HECW2: variants seen among roughly 807,000 people sequenced by gnomAD.
HECW2 encodes HECT, C2 and WW domain containing E3 ubiquitin protein ligase 2, also known as E3 ubiquitin-protein ligase HECW2.
A neutral mutation model predicts 175.2 loss-of-function variants in HECW2; 61 were observed. The ratio of observed to expected loss-of-function variants is 0.35; its 90% confidence interval spans 0.28 to 0.43. The LOEUF is 0.43. Among genes scored for constraint, HECW2 ranks in the 20% least tolerant of loss-of-function variants. The probability of loss-of-function intolerance (pLI) is 1.00; values close to 1 mark genes in which losing one functional copy is unlikely to be tolerated. For missense variants in HECW2, 1,524 were observed against 2,000.5 expected, an observed-to-expected ratio of 0.76 and a Z score of 4.54; for synonymous variants, 671 against 731.0, an observed-to-expected ratio of 0.92 and a Z score of 1.32.
At chr2:196,389,759 A>G (rs981938548) in intron 2 of HECW2, among the ~76,000 whole-genome samples, 2 of 152,186 alleles carry the variant, frequency 1.3e-5, no homozygotes, top group African/African-American at 2.4e-5. Flanking sequence ...ATTTATCATC[A>G]CAAGTTTTCT....
rs369161388 is a variant in HECW2 at position 196,374,826 on chromosome 2, G to C, written c.293-31062C>G. 3.3e-5 allele frequency among the ~76,000 whole-genome samples: 5 copies of C among 150,378 alleles called. 1 individual carries two copies. The East Asian group carries it at 9.7e-4, about 29-fold the overall frequency. ...CATAGACGTGGGATACATCCAGTAAGGGAAGAGTAAAAAAAAAAAAAAAGA... is the reference window on the plus strand; with the variant it reads ...CATAGACGTGGGATACATCCAGTAACGGAAGAGTAAAAAAAAAAAAAAAGA... On this transcript the variant is annotated intron_variant, in intron 2 of 28. Coordinates refer to ENST00000644978, the MANE Select transcript of HECW2 (RefSeq NM_001348768.2).
intron 2 of HECW2, among the ~76,000 whole-genome samples, chr2:196,358,186 T>C (rs958139971): frequency 6.6e-6 from 1 of 152,344 alleles, no homozygotes. Context: ...TATAAAATGA[T>C]AGTAATCACA....
rs542170695 is a variant in HECW2, at chr2:196,201,073, C to T, written c.*204G>A. ...TGATTGAAAGACGGTTGGGTTGTTC[C>T]CTGGGCATCAAGCTCACCCAAATCC... is the stretch of plus-strand genomic sequence containing the variant. On this transcript the variant is annotated 3_prime_UTR_variant, in exon 29 of 29. Coordinates refer to ENST00000644978, the MANE Select transcript of HECW2 (RefSeq NM_001348768.2). 236 of 520,506 alleles carry T rather than the reference C, an allele frequency of 4.5e-4. 1 individual carries two copies. The highest frequency in any genetic ancestry group is 3.0e-3 in the South Asian group (128 of 41,998). The allele number at this position is 520,506 out of a possible 1,614,324, so 32.2% of individuals were successfully genotyped here. A position where few individuals can be genotyped will look rare whatever the true frequency, so the allele number is the denominator to read the frequency against.
chr2:196,534,843 G>A (rs1459780005), intron 1 of HECW2, among the ~76,000 whole-genome samples: 1 of 152,014 alleles, frequency 6.6e-6, no homozygotes, highest in Non-Finnish European at 1.5e-5. Context: ...AGCGGGATAG[G>A]GTAGACATCT....
intron 10 of HECW2, chr2:196,317,043 C>A (rs1301113187): frequency 4.3e-6 from 2 of 468,266 alleles, no homozygotes; most frequent in Admixed American, 6.5e-5. Context: ...TTATTATTTA[C>A]CCCATGGGCA....
intron 14 of HECW2, 87 bp from the exon 15 acceptor site, chr2:196,278,749 T>C: frequency 4.9e-6 from 7 of 1,415,444 alleles, no homozygotes; most frequent in Non-Finnish European, 6.9e-6. Context: ...AAGACTCACT[T>C]CTGAGTCACA....
At chr2:196,544,632 T>C (rs147283650) in intron 1 of HECW2, among the ~76,000 whole-genome samples, 33 of 152,302 alleles carry the variant, frequency 2.2e-4, no homozygotes, top group Middle Eastern at 3.4e-3. Flanking sequence ...GGATAAATAA[T>C]GGTGCTACTT....
At chr2:196,517,859 G>A (rs1461276684) in intron 1 of HECW2, among the ~76,000 whole-genome samples, 2 of 152,150 alleles carry the variant, frequency 1.3e-5, no homozygotes, top group Non-Finnish European at 2.9e-5. Context: ...GCTCACCAGT[G>A]ACTGGGAGGG....
intron 1 of HECW2, among the ~76,000 whole-genome samples, chr2:196,529,065 C>A (rs375764698): frequency 1.9e-4 from 29 of 152,298 alleles, no homozygotes; most frequent in African/African-American, 6.7e-4. Flanking sequence ...AGCTTATAAC[C>A]ACATGCAGAA....
chr2:196,345,608 C>T (rs910014554), intron 2 of HECW2, among the ~76,000 whole-genome samples: 2 of 152,190 alleles, frequency 1.3e-5, no homozygotes, highest in Non-Finnish European at 2.9e-5. Flanking sequence ...AGCCCTGACC[C>T]ACCTGCCTTC....
At chr2:196,564,413 C>T (rs1451911773) in intron 1 of HECW2, among the ~76,000 whole-genome samples, 2 of 152,020 alleles carry the variant, frequency 1.3e-5, no homozygotes, top group Non-Finnish European at 2.9e-5. Flanking sequence ...ACAGTAATAA[C>T]CACAAAAACA....
intron 28 of HECW2, among the ~76,000 whole-genome samples, chr2:196,212,339 T>C (rs1035998759): frequency 4.6e-5 from 7 of 152,114 alleles, no homozygotes; most frequent in African/African-American, 1.4e-4. Context: ...TCCTGATCCT[T>C]TCCCTCCTCT....
intron 19 of HECW2, among the ~76,000 whole-genome samples, chr2:196,246,294 G>A (rs1284569223): frequency 1.3e-5 from 2 of 152,176 alleles, no homozygotes; most frequent in East Asian, 3.8e-4. Flanking sequence ...GAACGCAGCT[G>A]TAATGAATCA....
At chr2:196,475,590 G>T (rs1168410312) in intron 1 of HECW2, among the ~76,000 whole-genome samples, 1 of 152,146 alleles carries the variant, frequency 6.6e-6, no homozygotes, top group African/African-American at 2.4e-5. Flanking sequence ...TACTAGCAGG[G>T]TCTCATCTTA....
chr2:196,530,355 A>G (rs1469850334), intron 1 of HECW2, among the ~76,000 whole-genome samples: 2 of 152,180 alleles, frequency 1.3e-5, no homozygotes, highest in African/African-American at 2.4e-5. Context: ...AATTTCTACC[A>G]AACTCCTCTC....
chr2:196,588,092 T>C (rs1405576587), intron 1 of HECW2, among the ~76,000 whole-genome samples: 1 of 152,204 alleles, frequency 6.6e-6, no homozygotes, highest in Non-Finnish European at 1.5e-5. Flanking sequence ...TACCCTGTCC[T>C]ACTTTCTCTT....
intron 1 of HECW2, among the ~76,000 whole-genome samples, chr2:196,487,178 G>A (rs1003821512): frequency 6.6e-6 from 1 of 151,776 alleles, no homozygotes; most frequent in Non-Finnish European, 1.5e-5. Flanking sequence ...AGCCAGGCAT[G>A]GTGGCTTCCA....
chr2:196,466,913 G>A (rs967649392), intron 1 of HECW2, among the ~76,000 whole-genome samples: 2 of 152,140 alleles, frequency 1.3e-5, no homozygotes, highest in African/African-American at 4.8e-5. Flanking sequence ...TTGACTCCTC[G>A]ATTTTCTGAT....
intron 14 of HECW2, among the ~76,000 whole-genome samples, chr2:196,278,920 G>A (rs1370195016): frequency 6.6e-6 from 1 of 152,072 alleles, no homozygotes; most frequent in African/African-American, 2.4e-5. Context: ...CCACGAGATA[G>A]TCACCAAAGA....
Sources: gnomAD v4.1 joint callset for allele counts (sites outside exome capture counted in the v4.1 genomes callset) on GRCh38, gnomAD v4.1.1 for gene constraint, MANE v1.5 for transcripts, NCBI Gene and HGNC (gene_info 2026-07-23, HGNC 2026-07-21) for gene names.